Variants in NANS observed in about 807,000 individuals in gnomAD.
NANS encodes N-acetylneuraminate synthase, also known as N-acetylneuraminate-9-phosphate synthase.
Under a neutral mutation model 33.3 loss-of-function variants are expected in NANS, and 29 were observed. That is an observed-to-expected ratio of 0.87 (90% CI 0.65 to 1.19). The LOEUF is 1.19. NANS is among the 50% of genes most tolerant of loss of function. The pLI is 0.00. For synonymous variants in NANS, 163 were observed against 177.2 expected (o/e 0.92, Z 0.64); for missense variants, 394 against 461.1 (o/e 0.85, Z 1.33).
intron 2 of NANS, 74 bp downstream of exon 2, chr9:98,061,071 C>A: frequency 7.0e-7 from 1 of 1,419,838 alleles, no homozygotes; most frequent in Non-Finnish European, 9.9e-7. Flanking sequence ...TGACTTCCGG[C>A]TTAGGGCCAC....
At position 98,082,937 on chromosome 9, in the gene NANS, GC is replaced by G. The variant is rs779601203; in HGVS notation, c.963del (p.Tyr322IlefsTer9). Reference sequence around the variant, plus strand: ...ACCGTGAAGGTGGGTGAGCCCAAAGGCTATCCTCCTGAAGACATCTTTAATC... The same window carrying G: ...ACCGTGAAGGTGGGTGAGCCCAAAGGTATCCTCCTGAAGACATCTTTAATC... ...MLTVKVGEPK[G>X]YPPEDIFNLV... On this transcript the variant is annotated frameshift_variant, in exon 6 of 6. Coordinates refer to ENST00000210444, the MANE Select transcript of NANS (RefSeq NM_018946.4). LOFTEE classifies it high-confidence loss of function. The G allele has an allele frequency of 6.2e-7, 1 of 1,614,162 alleles. No homozygotes were observed. Among genetic ancestry groups the G allele is most frequent in the South Asian group, 1.1e-5 (1 of 91,080 alleles).
chr9:98,080,208 T>A (rs1054988595), intron 4 of NANS, among the ~76,000 whole-genome samples: 2 of 152,196 alleles, frequency 1.3e-5, no homozygotes, highest in Non-Finnish European at 2.9e-5. Flanking sequence ...AGCAAGACTC[T>A]GTTTCAAAAA....
At chr9:98,064,946 C>T (rs72755452) in intron 2 of NANS, among the ~76,000 whole-genome samples, 2,525 of 152,070 alleles carry the variant, frequency 0.017, 39 homozygotes, top group Non-Finnish European at 0.027. Flanking sequence ...TTTTTTAAAC[C>T]TACGTAAAAA....
chr9:98,068,551 C>A (rs1389206342), intron 2 of NANS, among the ~76,000 whole-genome samples: 4 of 151,550 alleles, frequency 2.6e-5, no homozygotes, highest in African/African-American at 9.7e-5. Flanking sequence ...CAGTGGCTCA[C>A]TCCTGAAATC....
In NANS at chr9:98,074,295, C is replaced by G. The variant is rs368087951; in HGVS notation, c.349-2623C>G. ...TGCCTGAGCTCCCTTCAGACTCCCA[C>G]AGACTTTGTGCTATGGGGCAGGAGG... is the stretch of plus-strand genomic sequence containing the variant. On this transcript the variant is annotated intron_variant, in intron 2 of 5. Transcript: ENST00000210444. 3.9e-4 allele frequency among the ~76,000 whole-genome samples: 60 copies of G among 152,262 alleles called. 3 individuals carry two copies. In the South Asian group the frequency reaches 0.012, roughly 31 times the overall value.
At chr9:98,075,832 A>G (rs1292859288) in intron 2 of NANS, 4 of 152,144 alleles carry the variant, frequency 2.6e-5, no homozygotes, top group African/African-American at 7.2e-5. Flanking sequence ...TAGTATATCA[A>G]TTACACCTTA....
chr9:98,077,202 A>G (rs1457778102), intron 3 of NANS, among the ~76,000 whole-genome samples, 185 bp downstream of exon 3: 3 of 151,976 alleles, frequency 2.0e-5, no homozygotes, highest in South Asian at 2.1e-4. Flanking sequence ...GCCTAAAGCA[A>G]TCCTCCCATC....
At chr9:98,067,504 CTGTT>C (rs1441182609) in intron 2 of NANS, among the ~76,000 whole-genome samples, 1 of 152,158 alleles carries the variant, frequency 6.6e-6, no homozygotes, top group African/African-American at 2.4e-5. Context: ...TTTCATGTGT[CTGTT>C]GGTCATCTGC....
chr9:98,058,513 T>C (rs1828890098), intron 1 of NANS, among the ~76,000 whole-genome samples: 1 of 152,230 alleles, frequency 6.6e-6, no homozygotes, highest in South Asian at 2.1e-4. Context: ...CTCCAGCCTT[T>C]CTTCTGCAAC....
chr9:98,074,110 A>G (rs1057283062), intron 2 of NANS, among the ~76,000 whole-genome samples: 1 of 152,200 alleles, frequency 6.6e-6, no homozygotes, highest in Non-Finnish European at 1.5e-5. Context: ...TCTGAGTCGA[A>G]TAAGTTTGGG....
At chr9:98,070,767 C>CA (rs1267682362) in intron 2 of NANS, among the ~76,000 whole-genome samples, 1 of 149,458 alleles carries the variant, frequency 6.7e-6, no homozygotes, top group Non-Finnish European at 1.5e-5. Context: ...AAAACCACAT[C>CA]AAAAAATAAA....
chr9:98,078,356 G>A lies in NANS; in HGVS notation c.603+9G>A, dbSNP rs1432779098. ...ACCTGCGGGTCATCTCGGTGAGCAG[G>A]AGGGAGGGGGTTCCCTTCTTGGGCC... On this transcript the variant is annotated intron_variant, in intron 4 of 5. Transcript: ENST00000210444. 1 of 1,612,616 alleles carries A rather than the reference G, an allele frequency of 6.2e-7. No homozygotes were observed. The highest frequency in any genetic ancestry group is 8.5e-7 in the Non-Finnish European group (1 of 1,179,136).
chr9:98,058,831 A>C (rs1479465693), intron 1 of NANS, among the ~76,000 whole-genome samples: 1 of 152,168 alleles, frequency 6.6e-6, no homozygotes, highest in Non-Finnish European at 1.5e-5. Flanking sequence ...TGCTAGAGAC[A>C]CTGTGCAACT....
chr9:98,073,150 G>C (rs1036293951), intron 2 of NANS, among the ~76,000 whole-genome samples: 1 of 151,826 alleles, frequency 6.6e-6, no homozygotes, highest in African/African-American at 2.4e-5. Flanking sequence ...CTTCCCTCCA[G>C]CACCTGCCTC....
chr9:98,076,976 A>T lies in NANS; in HGVS notation c.407A>T (p.Asp136Val), dbSNP rs908466458. Residue 136 changes from aspartate (D) to valine (V), a missense_variant, in exon 3 of 6, where the codon GAC becomes GTC. Transcript: ENST00000210444. ...NVPFFKVGSG[D>V]TNNFPYLEKT... ...CCATTTTTCAAAGTTGGATCTGGAG[A>T]CACTAATAATTTTCCTTATCTGGAA... 1.2e-6 allele frequency: 2 copies of T among 1,611,570 alleles called. No individual in the cohort carries two copies. Among genetic ancestry groups the T allele is most frequent in the Non-Finnish European group, 1.7e-6 (2 of 1,179,270 alleles).
Position 98,080,950 on chromosome 9 carries a change from G to A in NANS, c.738G>A (p.Lys246=), listed in dbSNP as rs1311532360. 1 of 1,614,102 alleles carries A rather than the reference G, an allele frequency of 6.2e-7. No individual in the cohort carries two copies. The highest frequency in any genetic ancestry group is 8.5e-7 in the Non-Finnish European group (1 of 1,180,052). ...ACATAACTTTGGACAAGACCTGGAA[G>A]GGGAGTGACCACTCGGCCTCGCTGG... ...ERHITLDKTW[K]GSDHSASLEP... Residue 246 remains lysine, a synonymous_variant, in exon 5 of 6, where the codon AAG becomes AAA. Transcript: ENST00000210444.
intron 3 of NANS, among the ~76,000 whole-genome samples, chr9:98,077,871 CT>C (rs1829660373): frequency 6.6e-6 from 1 of 152,206 alleles, no homozygotes; most frequent in African/African-American, 2.4e-5. Context: ...AGCACTCATT[CT>C]ACTGTACTGC....
chr9:98,082,735 C>A, intron 5 of NANS, 111 bp from the exon 6 acceptor site: 1 of 961,002 alleles, frequency 1.0e-6, no homozygotes, highest in Non-Finnish European at 1.6e-6. Flanking sequence ...AGAGTGCCTG[C>A]TCCCAAGGTA....
At chr9:98,059,761 C>G (rs1828924606) in intron 1 of NANS, among the ~76,000 whole-genome samples, 2 of 151,446 alleles carry the variant, frequency 1.3e-5, no homozygotes, top group Non-Finnish European at 2.9e-5. Flanking sequence ...AACAATCCGG[C>G]TTTTATATTA....
Sources: gnomAD v4.1 joint callset for allele counts (sites outside exome capture counted in the v4.1 genomes callset) on GRCh38, gnomAD v4.1.1 for gene constraint, MANE v1.5 for transcripts, NCBI Gene and HGNC (gene_info 2026-07-23, HGNC 2026-07-21) for gene names.